Variants in PAX5 observed in about 807,000 individuals in gnomAD.
PAX5 encodes the protein paired box protein Pax-5.
In PAX5, 9 loss-of-function variants were observed where a neutral mutation model predicts 43.7. That is an observed-to-expected ratio of 0.21 (90% CI 0.12 to 0.36). PAX5 has a LOEUF of 0.36. Among genes scored for constraint, PAX5 ranks in the 10% least tolerant of loss-of-function variants. The pLI is 1.00. For synonymous variants in PAX5, 228 were observed against 214.3 expected, an observed-to-expected ratio of 1.06 and a Z score of -0.56; for missense variants, 383 against 532.7, an observed-to-expected ratio of 0.72 and a Z score of 2.77.
Position 37,026,390 on chromosome 9 carries a change from C to T in PAX5, c.47-5589G>A, listed in dbSNP as rs376129117. On this transcript the variant is annotated intron_variant, in intron 1 of 9. Coordinates refer to ENST00000358127, the MANE Select transcript of PAX5 (RefSeq NM_016734.3). ...AAGTGCGTTGTTTCAGGTCCCCTGC[C>T]TGGGATCCCTGCACTTTGCAAAGTT... The T allele has an allele frequency of 8.9e-6, 6 of 674,938 alleles. No individual in the cohort carries two copies. The African/African-American group carries it at 9.6e-5, about 11-fold the overall frequency. 41.8% of individuals were successfully genotyped at this position (674,938 alleles called of 1,614,324 possible). A position where few individuals can be genotyped will look rare whatever the true frequency, so the allele number is the denominator to read the frequency against.
chr9:36,958,279 C>T (rs890288224), intron 6 of PAX5, among the ~76,000 whole-genome samples: 2 of 128,894 alleles, frequency 1.6e-5, no homozygotes, highest in African/African-American at 2.9e-5. Context: ...GTGAAAATTT[C>T]CTTCCACTCT....
intron 8 of PAX5, among the ~76,000 whole-genome samples, chr9:36,860,082 T>G (rs1824056455): frequency 1.3e-5 from 2 of 149,772 alleles, no homozygotes; most frequent in African/African-American, 4.9e-5. Flanking sequence ...CTCACACCTG[T>G]AATTCCAGCA....
At position 37,020,730 on chromosome 9, in the gene PAX5, T is replaced by C; in HGVS notation, c.118A>G (p.Arg40Gly). ...GRPLPDVVRQ[R>G]IVELAHQGVR... The stretch of plus-strand genomic sequence containing the variant: ...CCTTGATGAGCAAGTTCCACTATCC[T>C]CTGGCGGACTACATCCGGGAGTGGC... The change falls in exon 2 of 10, where the codon AGG (arginine) becomes GGG (glycine). Residue 40 changes from arginine to glycine, a missense_variant. Physicochemically the swap from Arg to Gly is moderately radical, Grantham distance 125. Coordinates refer to ENST00000358127, the MANE Select transcript of PAX5 (RefSeq NM_016734.3). The C allele has an allele frequency of 6.2e-7, 1 of 1,614,106 alleles. No homozygotes were observed. Among genetic ancestry groups the C allele is most frequent in the Non-Finnish European group, 8.5e-7 (1 of 1,180,022 alleles).
At chr9:37,008,636 G>A (rs1232419089) in intron 3 of PAX5, among the ~76,000 whole-genome samples, 1 of 152,168 alleles carries the variant, frequency 6.6e-6, no homozygotes, top group Non-Finnish European at 1.5e-5. Context: ...TCACCCTATA[G>A]TCTCACCACA....
chr9:36,915,831 G>C (rs1829691564), intron 7 of PAX5, among the ~76,000 whole-genome samples: 1 of 152,044 alleles, frequency 6.6e-6, no homozygotes, highest in Non-Finnish European at 1.5e-5. Context: ...CAGCACTTTG[G>C]GAGGCCAAGG....
chr9:36,931,094 G>A, intron 6 of PAX5: 1 of 406,744 alleles, frequency 2.5e-6, no homozygotes, highest in Non-Finnish European at 4.9e-6. Context: ...CTGGGCTCCT[G>A]TAGGCTCACC....
chr9:37,026,338 T>C (rs1226706159), intron 1 of PAX5, among the ~76,000 whole-genome samples: 1 of 152,258 alleles, frequency 6.6e-6, no homozygotes, highest in Admixed American at 6.5e-5. Flanking sequence ...GGAGGCGGGA[T>C]TCCCAGGTGC....
rs561950205 is a variant in PAX5 at position 36,976,374 on chromosome 9, G to A, written c.605-9650C>T. Among the ~76,000 whole-genome samples, 7 of 152,294 alleles carry A rather than the reference G, an allele frequency of 4.6e-5. No homozygotes were observed. In the South Asian group the frequency reaches 1.5e-3, roughly 32 times the overall value. On this transcript the variant is annotated intron_variant, in intron 5 of 9. Coordinates refer to ENST00000358127, the MANE Select transcript of PAX5 (RefSeq NM_016734.3). ...TCCAGAGATGACTAACAACAGGGAG[G>A]GGGGTCCTGGAGAAGGGACGATCAG...
chr9:36,851,220 G>T (rs1823131394), intron 8 of PAX5, among the ~76,000 whole-genome samples: 1 of 152,198 alleles, frequency 6.6e-6, no homozygotes, highest in South Asian at 2.1e-4. Flanking sequence ...AGGGGACTGG[G>T]GATGTTGGGT....
chr9:36,899,504 C>A (rs1029384280), intron 7 of PAX5, among the ~76,000 whole-genome samples: 3 of 152,198 alleles, frequency 2.0e-5, no homozygotes, highest in African/African-American at 7.2e-5. Context: ...CCAGCCTGCG[C>A]TCAGTGCTAG....
chr9:36,941,628 G>A (rs1437428920), intron 6 of PAX5, among the ~76,000 whole-genome samples: 1 of 152,188 alleles, frequency 6.6e-6, no homozygotes, highest in Non-Finnish European at 1.5e-5. Flanking sequence ...GGAGGATCTG[G>A]AGACCTCAGA....
At chr9:37,022,794 G>A (rs980764230) in intron 1 of PAX5, among the ~76,000 whole-genome samples, 1 of 152,160 alleles carries the variant, frequency 6.6e-6, no homozygotes, top group Non-Finnish European at 1.5e-5. Context: ...TGACCACATA[G>A]GCTGAGATAG....
chr9:37,000,763 C>T (rs1234241253), intron 5 of PAX5, among the ~76,000 whole-genome samples: 2 of 152,340 alleles, frequency 1.3e-5, no homozygotes, highest in East Asian at 3.9e-4. Context: ...AGGCCACTCT[C>T]ATATGTGCAA....
chr9:36,932,065 A>C (rs1166346216), intron 6 of PAX5, among the ~76,000 whole-genome samples: 1 of 152,134 alleles, frequency 6.6e-6, no homozygotes, highest in Non-Finnish European at 1.5e-5. Context: ...ACTTGAGGCC[A>C]GGAGTTTGAG....
chr9:36,914,182 G>A (rs965753417), intron 7 of PAX5, among the ~76,000 whole-genome samples: 1 of 152,194 alleles, frequency 6.6e-6, no homozygotes, highest in African/African-American at 2.4e-5. Flanking sequence ...CAAACATTCA[G>A]GTACGTGAGA....
At chr9:36,900,766 C>A (rs937707108) in intron 7 of PAX5, among the ~76,000 whole-genome samples, 3 of 152,210 alleles carry the variant, frequency 2.0e-5, no homozygotes, top group African/African-American at 7.2e-5. Context: ...CCTCCCACCA[C>A]CTGTGTCCAT....
At chr9:37,033,238 A>G (rs984366220) in intron 1 of PAX5, among the ~76,000 whole-genome samples, 8 of 152,328 alleles carry the variant, frequency 5.3e-5, no homozygotes, top group South Asian at 2.1e-4. Context: ...TCCTGGTCCT[A>G]TCTCCCAATA....
At chr9:36,872,875 T>A (rs914954223) in intron 8 of PAX5, among the ~76,000 whole-genome samples, 1 of 152,028 alleles carries the variant, frequency 6.6e-6, no homozygotes, top group East Asian at 1.9e-4. Flanking sequence ...TGCCCAGAGG[T>A]TTCCAGGGCT....
intron 6 of PAX5, among the ~76,000 whole-genome samples, chr9:36,934,055 A>C (rs1831349517): frequency 6.6e-6 from 1 of 152,158 alleles, no homozygotes; most frequent in South Asian, 2.1e-4. Context: ...GTTTGACCTC[A>C]GGTCCCCGAA....
Sources: allele counts gnomAD v4.1 joint callset (sites outside exome capture counted in the v4.1 genomes callset), GRCh38; gene constraint gnomAD v4.1.1; transcripts MANE v1.5; gene names NCBI Gene and HGNC (gene_info 2026-07-23, HGNC 2026-07-21).